The following NCCRP1 variants were observed in gnomAD, a reference collection of about 807,000 sequenced individuals.
NCCRP1 encodes the protein F-box only protein 50.
NCCRP1 carries 32 observed loss-of-function variants against 34.4 expected under a neutral mutation model. That is an observed-to-expected ratio of 0.93 (90% CI 0.70 to 1.25). NCCRP1 has a LOEUF of 1.25. Ranked by LOEUF, NCCRP1 falls within the 50% of genes most tolerant of loss-of-function variation. NCCRP1 has a pLI of 0.00. For synonymous variants in NCCRP1, 172 were observed against 180.1 expected (o/e 0.95, Z 0.36); for missense variants, 372 against 391.8 (o/e 0.95, Z 0.43).
Position 39,200,265 on chromosome 19 carries a change from T to C in NCCRP1, c.549-81T>C, listed in dbSNP as rs2074781996. 1.3e-6 allele frequency: 2 copies of C among 1,556,162 alleles called. No homozygotes were observed. The highest frequency in any genetic ancestry group is 8.8e-7 in the Non-Finnish European group (1 of 1,142,124). On this transcript the variant is annotated intron_variant, in intron 4 of 5. Coordinates refer to ENST00000339852, the MANE Select transcript of NCCRP1 (RefSeq NM_001001414.2). The surrounding 1 kb of genome is among the most constrained non-coding windows in gnomAD (Gnocchi z 5.8). ...TACAGCATGGGTAGCAGCATGTGTGTTGAATGGGGAATGGGGCCAGGGGCT... is the reference window on the plus strand; with the variant it reads ...TACAGCATGGGTAGCAGCATGTGTGCTGAATGGGGAATGGGGCCAGGGGCT...
rs367555888 is a variant in NCCRP1 at position 39,200,616 on chromosome 19, G to C, written c.688G>C (p.Val230Leu). 1.4e-5 allele frequency: 22 copies of C among 1,613,876 alleles called. No individual in the cohort carries two copies. Among genetic ancestry groups the C allele is most frequent in the Non-Finnish European group, 1.8e-5 (21 of 1,179,982 alleles). ...CTAACCCCAGGTGCTGTCACCACAG[G>C]TGTCCCACGTATTCCGCCATTATGG... is the stretch of plus-strand genomic sequence containing the variant. ...GRGPPGRWVQ[V>L]SHVFRHYGPG... Residue 230 changes from valine (V) to leucine (L), a missense_variant and splice_region_variant, in exon 6 of 6, where the codon GTG (valine) becomes CTG (leucine). Coordinates refer to ENST00000339852, the MANE Select transcript of NCCRP1 (RefSeq NM_001001414.2). The surrounding 1 kb of genome is among the most constrained non-coding windows in gnomAD (Gnocchi z 5.8).
Position 39,200,012 on chromosome 19 carries a change from A to C in NCCRP1, c.549-334A>C, listed in dbSNP as rs2074781043. On this transcript the variant is annotated intron_variant, in intron 4 of 5. Transcript: ENST00000339852. The surrounding 1 kb of genome is among the most constrained non-coding windows in gnomAD (Gnocchi z 5.8). The stretch of plus-strand genomic sequence containing the variant: ...TGCCTGGGTCCCCAATTCCGACCCC[A>C]ACCCCTCTGCCTGTGTCCCCAGTTC... Among the ~76,000 whole-genome samples, 1 of 150,818 alleles carries C rather than the reference A, an allele frequency of 6.6e-6. No individual in the cohort carries two copies. Among genetic ancestry groups the C allele is most frequent in the African/African-American group, 2.4e-5 (1 of 40,886 alleles).
chr19:39,197,042 G>A lies in NCCRP1; in HGVS notation c.60G>A (p.Ala20=). The change falls in exon 1 of 6, where the codon GCG becomes GCA. Residue 20 remains alanine, a synonymous_variant. Coordinates refer to ENST00000339852, the MANE Select transcript of NCCRP1 (RefSeq NM_001001414.2). ...GCGGGATGGAAGCCGATGGGCCCGC[G>A]AGCCTCCAGGAGCTGCCTCCCTCGC... The part of the protein sequence containing the change: ...LGGGMEADGP[A]SLQELPPSPR... 4 of 1,532,866 alleles carry A rather than the reference G, an allele frequency of 2.6e-6. No individual in the cohort carries two copies. The highest frequency in any genetic ancestry group is 2.3e-4 in the Middle Eastern group (1 of 4,402). The allele number at this position is 1,532,866 out of a possible 1,614,324, so 95.0% of individuals were successfully genotyped here. A position where few individuals can be genotyped will look rare whatever the true frequency, so the allele number is the denominator to read the frequency against.
Position 39,197,174 on chromosome 19 carries a change from G to T in NCCRP1, c.192G>T (p.Pro64=), listed in dbSNP as rs1312758072. 7.0e-7 allele frequency: 1 copy of T among 1,432,796 alleles called. No individual in the cohort carries two copies. Among genetic ancestry groups the T allele is most frequent in the Non-Finnish European group, 9.0e-7 (1 of 1,107,704 alleles). 88.8% of individuals were successfully genotyped at this position (1,432,796 alleles called of 1,614,324 possible). A position where few individuals can be genotyped will look rare whatever the true frequency, so the allele number is the denominator to read the frequency against. ...CCGAGCTCCCCGAGCCGGCGCAGCC[G>T]TCCGAGGCTCACGCCCGGCAGCTGC... ...EAPELPEPAQ[P]SEAHARQLLL... is the part of the protein sequence containing the mutation. Residue 64 remains proline (P), a synonymous_variant, in exon 1 of 6, where the codon CCG becomes CCT. Transcript: ENST00000339852.
In NCCRP1 at chr19:39,200,533, C is replaced by A. The variant is rs751063241; in HGVS notation, c.687+49C>A. ...CTCAACCCCAGACGTGTGTTCTTGTCCCAAGACCTCACAGAGGGAGGAGAA... is the reference window on the plus strand; with the variant it reads ...CTCAACCCCAGACGTGTGTTCTTGTACCAAGACCTCACAGAGGGAGGAGAA... On this transcript the variant is annotated intron_variant, in intron 5 of 5. Coordinates refer to ENST00000339852, the MANE Select transcript of NCCRP1 (RefSeq NM_001001414.2). This position sits in a 1 kb window ranked among gnomAD's most constrained non-coding sequence, Gnocchi z 5.8. The A allele has an allele frequency of 6.2e-7, 1 of 1,610,274 alleles. No individual in the cohort carries two copies. The highest frequency in any genetic ancestry group is 1.7e-5 in the Admixed American group (1 of 59,804).
rs1051292839 is a variant in NCCRP1, at chr19:39,197,159, C to A, written c.177C>A (p.Pro59=). The A allele has an allele frequency of 1.4e-6, 2 of 1,450,452 alleles. No individual in the cohort carries two copies. Among genetic ancestry groups the A allele is most frequent in the East Asian group, 2.8e-5 (1 of 35,320 alleles). The allele number at this position is 1,450,452 out of a possible 1,614,324, so 89.8% of individuals were successfully genotyped here. A position where few individuals can be genotyped will look rare whatever the true frequency, so the allele number is the denominator to read the frequency against. The change falls in exon 1 of 6, where the codon CCC becomes CCA. Residue 59 remains proline (P), a synonymous_variant. Transcript: ENST00000339852. Reference sequence around the variant, plus strand: ...CAGCCCCGGAGGCCCCCGAGCTCCCCGAGCCGGCGCAGCCGTCCGAGGCTC... The same window carrying A: ...CAGCCCCGGAGGCCCCCGAGCTCCCAGAGCCGGCGCAGCCGTCCGAGGCTC... The part of the protein sequence containing the change: ...SPAAPEAPEL[P]EPAQPSEAHA...
In NCCRP1 at chr19:39,200,311, G is replaced by A; in HGVS notation, c.549-35G>A. 1 of 1,609,192 alleles carries A rather than the reference G, an allele frequency of 6.2e-7. No homozygotes were observed. The highest frequency in any genetic ancestry group is 1.1e-5 in the South Asian group (1 of 90,706). On this transcript the variant is annotated intron_variant, in intron 4 of 5. Transcript: ENST00000339852. The surrounding 1 kb of genome is among the most constrained non-coding windows in gnomAD (Gnocchi z 5.8). ...GGGCTGGGGCTGGGTAGCTGAGACT[G>A]CAGTGACAGCTGAAGGCCTTGACTC...
rs544015889 is a variant in NCCRP1, at chr19:39,201,733, G to C, written c.*977G>C. 6.6e-6 allele frequency: 1 copy of C among 152,172 alleles called. No individual in the cohort carries two copies. Among genetic ancestry groups the C allele is most frequent in the African/African-American group, 2.4e-5 (1 of 41,434 alleles). 9.4% of individuals were successfully genotyped at this position (152,172 alleles called of 1,614,324 possible). ...CCTTTGTGTATCTCCTCCAGCTACC[G>C]CAGAGCCCACAAACCCAGGCATCTA... On this transcript the variant is annotated 3_prime_UTR_variant, in exon 6 of 6. Transcript: ENST00000339852.
intron 3 of NCCRP1, 94 bp from the exon 4 acceptor site, chr19:39,199,076 C>G: frequency 1.6e-6 from 2 of 1,214,092 alleles, no homozygotes; most frequent in East Asian, 2.3e-5. Context: ...TGTGGGGACC[C>G]AAGCTATCCC....
chr19:39,197,218 C>T lies in NCCRP1; in HGVS notation c.236C>T (p.Pro79Leu), dbSNP rs1421223831. ...CAGCTGCTGCTGGAGGAGTGGGGGC[C>T]GCTGAGCGGGGGCCTGGAGCTGCCC... ...ARQLLLEEWG[P>L]LSGGLELPQR... is the part of the protein sequence containing the mutation. The change falls in exon 1 of 6, where the codon CCG becomes CTG. Residue 79 changes from proline to leucine, a missense_variant. Transcript: ENST00000339852. 6.9e-7 allele frequency: 1 copy of T among 1,446,644 alleles called. No individual in the cohort carries two copies. The highest frequency in any genetic ancestry group is 1.4e-5 in the South Asian group (1 of 70,902). 89.6% of individuals were successfully genotyped at this position (1,446,644 alleles called of 1,614,324 possible).
chr19:39,198,678 C>G (rs754670919), intron 3 of NCCRP1, among the ~76,000 whole-genome samples: 2 of 152,118 alleles, frequency 1.3e-5, no homozygotes, highest in Non-Finnish European at 2.9e-5. Flanking sequence ...AGGCTGGTCT[C>G]GAACTCCTCA....
At position 39,201,693 on chromosome 19, in the gene NCCRP1, C is replaced by T. The variant is rs1338659848; in HGVS notation, c.*937C>T. ...GTTGTCCCCTCAAAGCTGTCCCACA[C>T]CCTCCTCCGAGGACCCTTTGTGTAT... On this transcript the variant is annotated 3_prime_UTR_variant, in exon 6 of 6. Transcript: ENST00000339852. 6.6e-6 allele frequency: 1 copy of T among 152,226 alleles called. No homozygotes were observed. The highest frequency in any genetic ancestry group is 2.1e-4 in the South Asian group (1 of 4,832). The allele number at this position is 152,226 out of a possible 1,614,324, so 9.4% of individuals were successfully genotyped here.
chr19:39,199,191 T>A lies in NCCRP1; in HGVS notation c.474T>A (p.Cys158Ter), dbSNP rs1166108250. The A allele has an allele frequency of 1.2e-6, 2 of 1,614,082 alleles. No homozygotes were observed. The highest frequency in any genetic ancestry group is 1.7e-6 in the Non-Finnish European group (2 of 1,179,990). The change falls in exon 4 of 6, where the codon TGT (cysteine) becomes TGA (stop). Residue 158 changes from cysteine (C) to a stop codon, truncating the protein, a stop_gained. Coordinates refer to ENST00000339852, the MANE Select transcript of NCCRP1 (RefSeq NM_001001414.2). LOFTEE classifies it high-confidence loss of function. ...ACAGCTGGACAGTGAAGCAGCAGTG[T>A]GTGGACCTTCTGGCCGAGGGCCTGT... is the stretch of plus-strand genomic sequence containing the variant. ...QNQSWTVKQQ[C>*]VDLLAEGLWE... is the part of the protein sequence containing the mutation.
chr19:39,200,692 A>G lies in NCCRP1; in HGVS notation c.764A>G (p.Glu255Gly). 7 of 1,613,974 alleles carry G rather than the reference A, an allele frequency of 4.3e-6. No homozygotes were observed. Among genetic ancestry groups the G allele is most frequent in the Non-Finnish European group, 5.9e-6 (7 of 1,180,000 alleles). Residue 255 changes from glutamate to glycine, a missense_variant, in exon 6 of 6, where the codon GAG becomes GGG. Physicochemically the swap from Glu to Gly is moderately conservative, Grantham distance 98. Coordinates refer to ENST00000339852, the MANE Select transcript of NCCRP1 (RefSeq NM_001001414.2). The surrounding 1 kb of genome is among the most constrained non-coding windows in gnomAD (Gnocchi z 5.8). The part of the protein sequence containing the change: ...HFLHKAKNRM[E>G]PGGLRRTRVT... Reference sequence around the variant, plus strand: ...CTGCACAAGGCCAAGAACCGCATGGAGCCTGGTGGGCTGCGGCGGACACGG... The same window carrying G: ...CTGCACAAGGCCAAGAACCGCATGGGGCCTGGTGGGCTGCGGCGGACACGG...
rs2074784608 is a variant in NCCRP1 at position 39,200,656 on chromosome 19, T to G, written c.728T>G (p.Phe243Cys). 8 of 1,614,080 alleles carry G rather than the reference T, an allele frequency of 5.0e-6. No individual in the cohort carries two copies. The highest frequency in any genetic ancestry group is 6.8e-6 in the Non-Finnish European group (8 of 1,180,010). Residue 243 changes from phenylalanine (F) to cysteine (C), a missense_variant, in exon 6 of 6, where the codon TTT (phenylalanine) becomes TGT (cysteine). Coordinates refer to ENST00000339852, the MANE Select transcript of NCCRP1 (RefSeq NM_001001414.2). This position sits in a 1 kb window ranked among gnomAD's most constrained non-coding sequence, Gnocchi z 5.8. ...VFRHYGPGVR[F>C]IHFLHKAKNR... ...CGCCATTATGGTCCCGGTGTGCGCTTTATCCACTTCCTGCACAAGGCCAAG... is the reference window on the plus strand; with the variant it reads ...CGCCATTATGGTCCCGGTGTGCGCTGTATCCACTTCCTGCACAAGGCCAAG...
Position 39,197,111 on chromosome 19 carries a change from G to T in NCCRP1, c.129G>T (p.Ser43=). 6.6e-7 allele frequency: 1 copy of T among 1,521,114 alleles called. No homozygotes were observed. The highest frequency in any genetic ancestry group is 8.8e-7 in the Non-Finnish European group (1 of 1,141,378). 94.2% of individuals were successfully genotyped at this position (1,521,114 alleles called of 1,614,324 possible). The change falls in exon 1 of 6, where the codon TCG becomes TCT. Residue 43 remains serine (S), a synonymous_variant. Coordinates refer to ENST00000339852, the MANE Select transcript of NCCRP1 (RefSeq NM_001001414.2). ...SPPPSPPPLP[S]PPSLPSPAAP... ...CGCCGTCGCCGCCACCACTGCCCTC[G>T]CCGCCGTCGCTGCCATCGCCCGCAG...
chr19:39,200,938 G>A lies in NCCRP1; in HGVS notation c.*182G>A. ...CCCAGCACTGTCTGAGCCCCATGAG[G>A]GCGGAGCCACTCCTTGTAAATTCAG... On this transcript the variant is annotated 3_prime_UTR_variant, in exon 6 of 6. Coordinates refer to ENST00000339852, the MANE Select transcript of NCCRP1 (RefSeq NM_001001414.2). The surrounding 1 kb of genome is among the most constrained non-coding windows in gnomAD (Gnocchi z 5.8). 1 of 695,098 alleles carries A rather than the reference G, an allele frequency of 1.4e-6. No homozygotes were observed. Among genetic ancestry groups the A allele is most frequent in the Non-Finnish European group, 2.3e-6 (1 of 430,502 alleles). The allele number at this position is 695,098 out of a possible 1,614,324, so 43.1% of individuals were successfully genotyped here. A position where few individuals can be genotyped will look rare whatever the true frequency, so the allele number is the denominator to read the frequency against.
At position 39,197,021 on chromosome 19, in the gene NCCRP1, G is replaced by T. The variant is rs570202650; in HGVS notation, c.39G>T (p.Gly13=). The change falls in exon 1 of 6, where the codon GGG becomes GGT. Residue 13 remains glycine, a synonymous_variant. Transcript: ENST00000339852. The stretch of plus-strand genomic sequence containing the variant: ...GTGAGGGACACGCGCTCGGTGGCGG[G>T]ATGGAAGCCGATGGGCCCGCGAGCC... ...EVREGHALGG[G]MEADGPASLQ... 3.3e-6 allele frequency: 5 copies of T among 1,534,662 alleles called. No individual in the cohort carries two copies. In the African/African-American group the frequency reaches 5.5e-5, roughly 17 times the overall value.
rs1252020099 is a variant in NCCRP1, at chr19:39,201,239, C to T, written c.*483C>T. 2 of 159,698 alleles carry T rather than the reference C, an allele frequency of 1.3e-5. No homozygotes were observed. The highest frequency in any genetic ancestry group is 4.8e-5 in the African/African-American group (2 of 41,510). 9.9% of individuals were successfully genotyped at this position (159,698 alleles called of 1,614,324 possible). A position where few individuals can be genotyped will look rare whatever the true frequency, so the allele number is the denominator to read the frequency against. On this transcript the variant is annotated 3_prime_UTR_variant, in exon 6 of 6. Coordinates refer to ENST00000339852, the MANE Select transcript of NCCRP1 (RefSeq NM_001001414.2). Reference sequence around the variant, plus strand: ...CCTTGATCTTCCATTACCTTCACATCCCGGGGTCCTTCTGAACTGACCTTG... The same window carrying T: ...CCTTGATCTTCCATTACCTTCACATTCCGGGGTCCTTCTGAACTGACCTTG...
Sources: gnomAD v4.1 joint callset for allele counts (sites outside exome capture counted in the v4.1 genomes callset) on GRCh38, gnomAD v4.1.1 for gene constraint, Gnocchi (gnomAD v3.1) non-coding constraint, MANE v1.5 for transcripts, NCBI Gene and HGNC (gene_info 2026-07-23, HGNC 2026-07-21) for gene names.